CLTC: variants seen among roughly 807,000 people sequenced by gnomAD.
CLTC encodes the protein clathrin heavy chain, also known as clathrin heavy chain 1.
CLTC carries 16 observed loss-of-function variants against 195.8 expected under a neutral mutation model. The observed-to-expected ratio is 0.08, with a 90% confidence interval of 0.06 to 0.12. CLTC has a LOEUF of 0.12. Among genes scored for constraint, CLTC ranks in the 10% least tolerant of loss-of-function variants. The pLI is 1.00. For missense variants in CLTC, 796 were observed against 2,027.0 expected (o/e 0.39, Z 11.66); for synonymous variants, 667 against 689.4 (o/e 0.97, Z 0.51).
intron 1 of CLTC, among the ~76,000 whole-genome samples, chr17:59,632,635 T>C (rs1458435863): frequency 6.6e-6 from 1 of 152,050 alleles, no homozygotes; most frequent in African/African-American, 2.4e-5. Context: ...AGAGCGAGAC[T>C]CTGTCTCAAA....
Position 59,681,186 on chromosome 17 carries a change from C to A in CLTC, c.3066-109C>A. The A allele has an allele frequency of 7.0e-7, 1 of 1,437,194 alleles. No homozygotes were observed. The highest frequency in any genetic ancestry group is 2.3e-5 in the East Asian group (1 of 43,448). 89.0% of individuals were successfully genotyped at this position (1,437,194 alleles called of 1,614,324 possible). Reference sequence around the variant, plus strand: ...ATTCTCACTCTTCTAATATCCTCCCCCCTACCCTACCTCTTGAGACAAAAA... The same window carrying A: ...ATTCTCACTCTTCTAATATCCTCCCACCTACCCTACCTCTTGAGACAAAAA... On this transcript the variant is annotated intron_variant, in intron 19 of 31. Transcript: ENST00000269122. This position sits in a 1 kb window ranked among gnomAD's most constrained non-coding sequence, Gnocchi z 5.0.
chr17:59,679,598 A>G, intron 18 of CLTC, 79 bp downstream of exon 18: 1 of 1,279,756 alleles, frequency 7.8e-7, no homozygotes, highest in African/African-American at 1.5e-5. Flanking sequence ...TTCCCTCATC[A>G]TGTACTCAAA....
chr17:59,682,231 T>A lies in CLTC; in HGVS notation c.3443-40T>A. ...TACTTGGGTGAAAGATAAACTAGGA[T>A]GTTAGTGTTTGGATATATTTTTTCT... On this transcript the variant is annotated intron_variant, in intron 21 of 31. Transcript: ENST00000269122. The surrounding 1 kb of genome is among the most constrained non-coding windows in gnomAD (Gnocchi z 6.8). 6.4e-7 allele frequency: 1 copy of A among 1,557,976 alleles called. No homozygotes were observed.
intron 1 of CLTC, among the ~76,000 whole-genome samples, chr17:59,632,285 G>A (rs565637191): frequency 9.3e-5 from 14 of 150,402 alleles, no homozygotes; most frequent in Non-Finnish European, 1.9e-4. Context: ...GCAGAATGGC[G>A]TGAACCCAGG....
intron 1 of CLTC, 53 bp from the exon 2 acceptor site, chr17:59,644,223 T>A: frequency 2.1e-6 from 3 of 1,431,562 alleles, no homozygotes; most frequent in Non-Finnish European, 2.9e-6. Flanking sequence ...CATATATGAA[T>A]GTCAAGTCTT....
At position 59,681,545 on chromosome 17, in the gene CLTC, G is replaced by A. The variant is rs2033081441; in HGVS notation, c.3249+67G>A. The A allele has an allele frequency of 1.9e-6, 3 of 1,580,662 alleles. No homozygotes were observed. The highest frequency in any genetic ancestry group is 1.7e-5 in the Admixed American group (1 of 58,826). ...GCTATGAGGGTGGGCCTAATTGGTTGCTACGGCAATAGAGCAGCAATAAAA... is the reference window on the plus strand; with the variant it reads ...GCTATGAGGGTGGGCCTAATTGGTTACTACGGCAATAGAGCAGCAATAAAA... On this transcript the variant is annotated intron_variant, in intron 20 of 31. Coordinates refer to ENST00000269122, the MANE Select transcript of CLTC (RefSeq NM_004859.4). This position sits in a 1 kb window ranked among gnomAD's most constrained non-coding sequence, Gnocchi z 5.0.
chr17:59,661,211 T>C (rs1005901532), intron 7 of CLTC, among the ~76,000 whole-genome samples: 3 of 152,138 alleles, frequency 2.0e-5, no homozygotes, highest in Non-Finnish European at 4.4e-5. Flanking sequence ...TGGATAATCT[T>C]ATAACATTGA....
intron 1 of CLTC, among the ~76,000 whole-genome samples, chr17:59,639,936 A>G (rs954822296): frequency 6.6e-6 from 1 of 152,114 alleles, no homozygotes; most frequent in Non-Finnish European, 1.5e-5. Flanking sequence ...CCTGGGCAAC[A>G]GGGCAAGACC....
intron 14 of CLTC, among the ~76,000 whole-genome samples, 155 bp downstream of exon 14, chr17:59,669,095 T>C (rs1025970275): frequency 6.6e-6 from 1 of 152,200 alleles, no homozygotes; most frequent in African/African-American, 2.4e-5. Flanking sequence ...CATAATATTC[T>C]GTGGTTTCCT....
chr17:59,646,889 G>A (rs1279387167), intron 2 of CLTC, among the ~76,000 whole-genome samples: 1 of 152,086 alleles, frequency 6.6e-6, no homozygotes, highest in African/African-American at 2.4e-5. Context: ...CGTGCTAGTG[G>A]CAACAAGACA....
intron 1 of CLTC, among the ~76,000 whole-genome samples, chr17:59,625,253 C>T (rs772771534): frequency 2.0e-5 from 3 of 151,654 alleles, no homozygotes; most frequent in African/African-American, 7.3e-5. Flanking sequence ...GGACTACAGG[C>T]GCGTGCTACC....
Position 59,636,147 on chromosome 17 carries a change from AAC to A in CLTC, c.43-8127_43-8126del, listed in dbSNP as rs1283013728. Among the ~76,000 whole-genome samples, 79 of 152,262 alleles carry A rather than the reference AAC, an allele frequency of 5.2e-4. 2 individuals carry two copies. In the South Asian group the frequency reaches 0.016, roughly 31 times the overall value. On this transcript the variant is annotated intron_variant, in intron 1 of 31. Transcript: ENST00000269122. ...GAAACTACGTCTCAAAAAAAAAAAA[AAC>A]AGTCTATATCATAATACCATAGTCC...
At chr17:59,635,510 C>T (rs559922793) in intron 1 of CLTC, among the ~76,000 whole-genome samples, 2 of 152,222 alleles carry the variant, frequency 1.3e-5, no homozygotes, top group Admixed American at 6.5e-5. Context: ...AATTATGTGG[C>T]GTCTGTAGGC....
chr17:59,689,761 A>C (rs2033257953), intron 30 of CLTC: 1 of 152,188 alleles, frequency 6.6e-6, no homozygotes, highest in South Asian at 2.1e-4. Context: ...TTACAGAATC[A>C]AATCATGTTA....
chr17:59,632,224 T>C (rs10221193), intron 1 of CLTC, among the ~76,000 whole-genome samples: 116,947 of 151,276 alleles, frequency 0.77, 46,195 homozygotes, highest in East Asian at 0.93. Context: ...AAAAATTAGC[T>C]GGGCGCGGTG....
intron 1 of CLTC, among the ~76,000 whole-genome samples, chr17:59,633,258 A>G (rs147602806): frequency 0.014 from 2,170 of 152,308 alleles, 43 homozygotes; most frequent in African/African-American, 0.049. Flanking sequence ...TGGGAGGCCA[A>G]GGTGGGTGGA....
intron 13 of CLTC, among the ~76,000 whole-genome samples, chr17:59,667,326 A>G (rs977013532): frequency 1.3e-5 from 2 of 152,192 alleles, no homozygotes; most frequent in African/African-American, 4.8e-5. Flanking sequence ...GAGCACCAAC[A>G]TAACGCTCAA....
intron 14 of CLTC, 29 bp downstream of exon 14, chr17:59,668,969 G>A (rs2032788457): frequency 6.3e-7 from 1 of 1,584,368 alleles, no homozygotes; most frequent in Non-Finnish European, 8.6e-7. Context: ...TGTGTTTTCT[G>A]GTTGGATTCC....
chr17:59,641,315 T>C (rs2032025653), intron 1 of CLTC, among the ~76,000 whole-genome samples: 1 of 151,970 alleles, frequency 6.6e-6, no homozygotes. Context: ...GGTTACAGGC[T>C]ACTTTTCTGT....
Sources: gnomAD v4.1 joint callset for allele counts (sites outside exome capture counted in the v4.1 genomes callset) on GRCh38, gnomAD v4.1.1 for gene constraint, Gnocchi (gnomAD v3.1) non-coding constraint, MANE v1.5 for transcripts, NCBI Gene and HGNC (gene_info 2026-07-23, HGNC 2026-07-21) for gene names.